ARAP2: variants seen among roughly 807,000 people sequenced by gnomAD.
ARAP2 encodes the protein ArfGAP with RhoGAP domain, ankyrin repeat and PH domain 2, also known as arf-GAP with Rho-GAP domain, ANK repeat and PH domain-containing protein 2.
A neutral mutation model predicts 194.5 loss-of-function variants in ARAP2; 148 were observed. That is an observed-to-expected ratio of 0.76 (90% CI 0.67 to 0.87). The LOEUF is 0.87. Among genes scored for constraint, ARAP2 ranks in the 40% least tolerant of loss-of-function variants. The probability of loss-of-function intolerance (pLI) is 0.00; values close to 1 mark genes in which losing one functional copy is unlikely to be tolerated. For missense variants in ARAP2, 2,128 were observed against 1,989.7 expected, an observed-to-expected ratio of 1.07 and a Z score of -1.32; for synonymous variants, 695 against 683.5, an observed-to-expected ratio of 1.02 and a Z score of -0.26.
intron 4 of ARAP2, among the ~76,000 whole-genome samples, chr4:36,046,377 T>A (rs964608704): frequency 6.6e-6 from 1 of 152,078 alleles, no homozygotes; most frequent in South Asian, 2.1e-4. Flanking sequence ...TTTGTACAGA[T>A]AAGGTCTCAC....
chr4:36,128,477 TACACACAC>T (rs113034093), intron 21 of ARAP2, 48 bp downstream of exon 21: 8 of 947,660 alleles, frequency 8.4e-6, no homozygotes, highest in South Asian at 3.0e-5. Context: ...GTCTATATTA[TACACACAC>T]ACACACACAC....
downstream of ARAP2, chr4:36,065,880 A>G (rs189655140): frequency 9.8e-5 from 15 of 152,376 alleles, no homozygotes; most frequent in Admixed American, 9.8e-4. Context: ...TTGGAAAAAC[A>G]ATACAGCCAG....
chr4:36,093,122 C>T (rs1714173347), intron 27 of ARAP2, among the ~76,000 whole-genome samples: 2 of 152,004 alleles, frequency 1.3e-5, no homozygotes, highest in Admixed American at 6.6e-5. Context: ...CCAAGTGCCA[C>T]CTGTGCTCAC....
intron 3 of ARAP2, 151 bp from the exon 4 acceptor site, chr4:36,213,470 C>CA: frequency 1.7e-6 from 1 of 583,418 alleles, no homozygotes; most frequent in Non-Finnish European, 3.0e-6. Flanking sequence ...TTCTTATCCC[C>CA]AAATCAATTC....
Position 36,161,541 on chromosome 4 carries a change from C to A in ARAP2, c.2183G>T (p.Arg728Ile). The A allele has an allele frequency of 6.2e-7, 1 of 1,611,482 alleles. No homozygotes were observed. The highest frequency in any genetic ancestry group is 8.5e-7 in the Non-Finnish European group (1 of 1,177,640). The stretch of plus-strand genomic sequence containing the variant: ...CTTGGAATCTTTTGGTCCTAAAGAT[C>A]TATGCTGTCCTAGAGTCAAAACACA... The part of the protein sequence containing the change: ...VICKKCAGQH[R>I]SLGPKDSKVR... The change falls in exon 12 of 33, where the codon AGA becomes ATA. Residue 728 changes from arginine (R) to isoleucine (I), a missense_variant. Physicochemically the swap from Arg to Ile is moderately conservative, Grantham distance 97. Transcript: ENST00000303965.
chr4:36,075,249 C>T lies in ARAP2; in HGVS notation c.4609-1426G>A, dbSNP rs116740264. ...ATTTTGAAGAATCTAAGAGCAAATG[C>T]GGTTCCCAAATCCATATTTCTCTTT... is the stretch of plus-strand genomic sequence containing the variant. On this transcript the variant is annotated intron_variant, in intron 31 of 32. Transcript: ENST00000303965. 5.7e-3 allele frequency among the ~76,000 whole-genome samples: 873 copies of T among 152,208 alleles called. 8 individuals carry two copies. Among genetic ancestry groups the T allele is most frequent in the African/African-American group, 0.02 (827 of 41,550 alleles).
intron 5 of ARAP2, among the ~76,000 whole-genome samples, chr4:36,025,882 G>T (rs904175633): frequency 6.6e-6 from 1 of 152,030 alleles, no homozygotes; most frequent in African/African-American, 2.4e-5. Flanking sequence ...TTAAAAAATG[G>T]AATGAAGGTG....
chr4:36,111,579 G>C (rs1719998058), intron 26 of ARAP2, among the ~76,000 whole-genome samples: 3 of 151,816 alleles, frequency 2.0e-5, no homozygotes, highest in Non-Finnish European at 4.4e-5. Context: ...ATGACTCCTA[G>C]TTTTTTAGAT....
At chr4:36,187,707 T>G in intron 7 of ARAP2, 136 bp from the exon 8 acceptor site, 1 of 610,940 alleles carries the variant, frequency 1.6e-6, no homozygotes, top group South Asian at 3.9e-5. Flanking sequence ...ATACAAGTAA[T>G]TTGTCCACTC....
At chr4:36,165,143 A>C (rs779893061) in intron 10 of ARAP2, 30 bp from the exon 11 acceptor site, 1 of 1,610,902 alleles carries the variant, frequency 6.2e-7, no homozygotes, top group South Asian at 1.1e-5. Flanking sequence ...TGTGTTATCG[A>C]TCTCCCTTGT....
intron 15 of ARAP2, among the ~76,000 whole-genome samples, chr4:36,154,430 T>A (rs1240972154): frequency 6.6e-6 from 1 of 152,180 alleles, no homozygotes; most frequent in Non-Finnish European, 1.5e-5. Flanking sequence ...GAATTTCTAG[T>A]AATCCAAATC....
intron 9 of ARAP2, among the ~76,000 whole-genome samples, chr4:36,009,886 GGGGTA>G (rs1553859417): frequency 2.8e-5 from 4 of 142,192 alleles, no homozygotes; most frequent in Non-Finnish European, 3.1e-5. Flanking sequence ...TTTTTGGCGG[GGGGTA>G]GGGGGGTGGA....
chr4:36,035,304 C>G (rs192636007), intron 5 of ARAP2, among the ~76,000 whole-genome samples: 5 of 152,124 alleles, frequency 3.3e-5, no homozygotes, highest in East Asian at 1.9e-4. Context: ...CTGCTTCAGT[C>G]TTGGGAGGGT....
intron 6 of ARAP2, among the ~76,000 whole-genome samples, chr4:36,018,651 C>G (rs1716329434): frequency 1.3e-5 from 2 of 152,120 alleles, no homozygotes; most frequent in South Asian, 4.1e-4. Flanking sequence ...TATTTTCTCC[C>G]ATCGTCAACT....
At chr4:36,209,474 G>C in intron 6 of ARAP2, 1 of 381,330 alleles carries the variant, frequency 2.6e-6, no homozygotes, top group South Asian at 1.9e-5. Flanking sequence ...CAATTTCGGG[G>C]TGTTTTGCTA....
chr4:36,191,330 G>A (rs905759704), intron 7 of ARAP2, among the ~76,000 whole-genome samples: 9 of 151,990 alleles, frequency 5.9e-5, no homozygotes, highest in Non-Finnish European at 1.3e-4. Context: ...AATAGATCCT[G>A]TTAAAGAGAA....
intron 23 of ARAP2, 131 bp from the exon 24 acceptor site, chr4:36,119,849 A>G: frequency 1.7e-6 from 1 of 575,956 alleles, no homozygotes; most frequent in East Asian, 2.8e-5. Flanking sequence ...ATCGGAATCA[A>G]TATGAGCCCA....
chr4:36,046,195 CT>C (rs1408405612), intron 4 of ARAP2: 1 of 153,358 alleles, frequency 6.5e-6, no homozygotes, highest in Non-Finnish European at 1.4e-5. Context: ...CTCTCTCTCT[CT>C]GTTTTGAGAC....
intron 27 of ARAP2, among the ~76,000 whole-genome samples, chr4:36,096,221 C>T (rs1405035584): frequency 1.3e-5 from 2 of 151,428 alleles, no homozygotes; most frequent in Non-Finnish European, 2.9e-5. Flanking sequence ...AAAAATTAGC[C>T]AGGCGTGGTG....
Sources: gnomAD v4.1 joint callset for allele counts (sites outside exome capture counted in the v4.1 genomes callset) on GRCh38, gnomAD v4.1.1 for gene constraint, MANE v1.5 for transcripts, NCBI Gene and HGNC (gene_info 2026-07-23, HGNC 2026-07-21) for gene names.